MAPRE2: variants seen among roughly 807,000 people sequenced by gnomAD.
MAPRE2 encodes microtubule associated protein RP/EB family member 2.
In MAPRE2, 13 loss-of-function variants were observed where a neutral mutation model predicts 43.2. The ratio of observed to expected loss-of-function variants is 0.30; its 90% CI spans 0.20 to 0.48. The LOEUF (loss-of-function observed/expected upper bound fraction) is 0.48. Among genes scored for constraint, MAPRE2 ranks in the 20% least tolerant of loss-of-function variants. The pLI is 0.99. For missense variants in MAPRE2, 161 were observed against 400.2 expected (o/e 0.40, Z 5.10); for synonymous variants, 135 against 148.8 (o/e 0.91, Z 0.68).
chr18:35,056,989 C>T (rs1423625693), intron 1 of MAPRE2, among the ~76,000 whole-genome samples: 1 of 152,108 alleles, frequency 6.6e-6, no homozygotes, highest in South Asian at 2.1e-4. Context: ...ATGGTCTTAC[C>T]ATGTATCTGC....
At chr18:35,105,461 A>G (rs1473658213) in intron 4 of MAPRE2, among the ~76,000 whole-genome samples, 1 of 152,134 alleles carries the variant, frequency 6.6e-6, no homozygotes, top group African/African-American at 2.4e-5. Context: ...ATTAAAAGCC[A>G]TGATAGGAGA....
At chr18:34,985,524 A>ATTATATAATATACAATATATATATTATAT (rs2097020096) in intron 1 of MAPRE2, among the ~76,000 whole-genome samples, 1 of 50,738 alleles carries the variant, frequency 2.0e-5, no homozygotes, top group African/African-American at 8.7e-5. Context: ...TATATTATAT[A>ATTATATAATATACAATATATATATTATAT]TTATAAATAT....
upstream of MAPRE2, among the ~76,000 whole-genome samples, chr18:35,040,198 G>A (rs530637933): frequency 7.9e-5 from 12 of 152,180 alleles, no homozygotes; most frequent in East Asian, 2.3e-3. Context: ...GCGAGACTCT[G>A]CCTCTAAAAA....
chr18:35,005,963 G>A (rs1246314908), intron 2 of MAPRE2, among the ~76,000 whole-genome samples: 2 of 152,198 alleles, frequency 1.3e-5, no homozygotes, highest in African/African-American at 2.4e-5. Flanking sequence ...GAGAGACAGA[G>A]TGAGAGCGTG....
intron 1 of MAPRE2, among the ~76,000 whole-genome samples, chr18:34,985,691 A>C (rs2097020518): frequency 7.9e-6 from 1 of 125,930 alleles, no homozygotes; most frequent in African/African-American, 3.0e-5. Context: ...ATATTATATA[A>C]TATGTGATAT....
At chr18:35,002,288 C>T (rs1457837749) in intron 1 of MAPRE2, among the ~76,000 whole-genome samples, 3 of 152,170 alleles carry the variant, frequency 2.0e-5, no homozygotes, top group Non-Finnish European at 4.4e-5. Flanking sequence ...CTTCTTATTG[C>T]TGGGTAGTAT....
chr18:35,003,527 C>T (rs2097030376), intron 1 of MAPRE2, among the ~76,000 whole-genome samples: 1 of 151,600 alleles, frequency 6.6e-6, no homozygotes, highest in Non-Finnish European at 1.5e-5. Flanking sequence ...TGTCATTCTT[C>T]TCCAAACTGA....
intron 4 of MAPRE2, among the ~76,000 whole-genome samples, chr18:35,126,221 T>C (rs1458095805): frequency 6.6e-6 from 1 of 152,238 alleles, no homozygotes; most frequent in Admixed American, 6.5e-5. Context: ...TTACAATAAA[T>C]GAAGCTATTG....
chr18:34,981,788 A>C (rs2097016323), intron 1 of MAPRE2, among the ~76,000 whole-genome samples: 1 of 152,066 alleles, frequency 6.6e-6, no homozygotes. Context: ...GCTACACAAG[A>C]CTAGTTTGAA....
intron 1 of MAPRE2, chr18:34,988,713 A>G (rs1301824495): frequency 6.6e-6 from 1 of 152,174 alleles, no homozygotes; most frequent in Admixed American, 6.5e-5. Flanking sequence ...TGCTGGCTAT[A>G]TATGTCCACG....
intron 2 of MAPRE2, among the ~76,000 whole-genome samples, chr18:35,089,156 G>A (rs1300229047): frequency 3.9e-5 from 6 of 152,158 alleles, no homozygotes; most frequent in African/African-American, 1.4e-4. Flanking sequence ...GAGGAGACGT[G>A]ACCCAGAGCA....
At chr18:35,055,277 T>C (rs1906158025) in intron 1 of MAPRE2, among the ~76,000 whole-genome samples, 1 of 152,164 alleles carries the variant, frequency 6.6e-6, no homozygotes, top group African/African-American at 2.4e-5. Context: ...CTTCCTTGTC[T>C]CTTCCCGCTT....
intron 2 of MAPRE2, among the ~76,000 whole-genome samples, chr18:35,084,827 C>T (rs1046432308): frequency 2.0e-4 from 31 of 152,172 alleles, no homozygotes; most frequent in African/African-American, 7.5e-4. Flanking sequence ...AGCTGAGGAC[C>T]ATGGGAATTC....
At chr18:35,014,114 T>C (rs1335633327) in intron 2 of MAPRE2, among the ~76,000 whole-genome samples, 1 of 152,132 alleles carries the variant, frequency 6.6e-6, no homozygotes, top group African/African-American at 2.4e-5. Context: ...GGCAATCCTT[T>C]AGGTAAATAT....
chr18:35,086,156 G>A (rs941467739), intron 2 of MAPRE2, among the ~76,000 whole-genome samples: 3 of 152,064 alleles, frequency 2.0e-5, no homozygotes, highest in African/African-American at 7.2e-5. Context: ...GGCAATTTGA[G>A]TAGCTGTTTG....
chr18:34,982,238 C>T (rs1044268356), intron 1 of MAPRE2, among the ~76,000 whole-genome samples: 2 of 152,134 alleles, frequency 1.3e-5, no homozygotes, highest in East Asian at 3.8e-4. Flanking sequence ...ACATGTTGAG[C>T]CATCTTTAGC....
intron 2 of MAPRE2, among the ~76,000 whole-genome samples, chr18:35,082,733 T>G (rs545662419): frequency 2.6e-5 from 4 of 152,276 alleles, no homozygotes; most frequent in African/African-American, 9.6e-5. Context: ...GGGACTGAAA[T>G]GATCATGCAA....
At chr18:35,018,962 A>G (rs2097040248) in intron 2 of MAPRE2, among the ~76,000 whole-genome samples, 1 of 151,984 alleles carries the variant, frequency 6.6e-6, no homozygotes, top group South Asian at 2.1e-4. Flanking sequence ...TTAGCACTAT[A>G]GACTTTCCTC....
At position 35,141,315 on chromosome 18, in the gene MAPRE2, C is replaced by G. The variant is rs1910625073; in HGVS notation, c.*946C>G. ...CTAGGGGACCCCTACTAAAGGGTAA[C>G]TTCAGGTGTGCAGCCCTGAGCTCCA... On this transcript the variant is annotated 3_prime_UTR_variant, in exon 7 of 7. Coordinates refer to ENST00000300249, the MANE Select transcript of MAPRE2 (RefSeq NM_014268.4). The G allele has an allele frequency of 6.6e-6, 1 of 152,352 alleles. No individual in the cohort carries two copies. The highest frequency in any genetic ancestry group is 2.1e-4 in the South Asian group (1 of 4,826). The allele number at this position is 152,352 out of a possible 1,614,324, so 9.4% of individuals were successfully genotyped here.
Sources: gnomAD v4.1 joint callset for allele counts (sites outside exome capture counted in the v4.1 genomes callset) on GRCh38, gnomAD v4.1.1 for gene constraint, MANE v1.5 for transcripts, NCBI Gene and HGNC (gene_info 2026-07-23, HGNC 2026-07-21) for gene names.